RPS6KC1: variants seen among roughly 807,000 people sequenced by gnomAD.
RPS6KC1 encodes the protein inactive ribosomal protein S6 kinase delta-1.
In RPS6KC1, 54 loss-of-function variants were observed where a neutral mutation model predicts 103.8. That is an observed-to-expected ratio of 0.52 (90% CI 0.42 to 0.65). RPS6KC1 has a LOEUF of 0.65. RPS6KC1 is among the 30% of genes least tolerant of loss of function. RPS6KC1 has a pLI of 0.00. For synonymous variants in RPS6KC1, 439 were observed against 438.7 expected, an observed-to-expected ratio of 1.00 and a Z score of -0.01; for missense variants, 1,151 against 1,253.8, an observed-to-expected ratio of 0.92 and a Z score of 1.24.
intron 2 of RPS6KC1, among the ~76,000 whole-genome samples, chr1:213,074,985 G>A (rs1433728116): frequency 6.6e-6 from 1 of 150,468 alleles, no homozygotes; most frequent in Non-Finnish European, 1.5e-5. Flanking sequence ...CCCTAGTGCT[G>A]GGACTTCAGG....
chr1:213,683,568 C>A, the RPS6KC1 span, among the ~76,000 whole-genome samples: 1 of 152,144 alleles, frequency 6.6e-6, no homozygotes, highest in African/African-American at 2.4e-5. Flanking sequence ...AGGTATAAAC[C>A]CAGCAATTTA....
chr1:213,079,358 G>T (rs910176511), intron 3 of RPS6KC1, among the ~76,000 whole-genome samples: 1 of 152,060 alleles, frequency 6.6e-6, no homozygotes, highest in Non-Finnish European at 1.5e-5. Flanking sequence ...GATGCATATT[G>T]TCTCATTGTT....
At chr1:213,710,712 G>A in the RPS6KC1 span, among the ~76,000 whole-genome samples, 1 of 152,028 alleles carries the variant, frequency 6.6e-6, no homozygotes, top group East Asian at 1.9e-4. Context: ...CAGGCCTGGT[G>A]GTGACAAAAA....
At chr1:213,413,316 T>G in the RPS6KC1 span, among the ~76,000 whole-genome samples, 1 of 152,228 alleles carries the variant, frequency 6.6e-6, no homozygotes, top group Non-Finnish European at 1.5e-5. Flanking sequence ...AATAAGTTAT[T>G]GTTAATTGTA....
At chr1:213,116,788 A>G (rs2083690971) in intron 4 of RPS6KC1, among the ~76,000 whole-genome samples, 1 of 151,812 alleles carries the variant, frequency 6.6e-6, no homozygotes, top group East Asian at 2.0e-4. Context: ...TCTGTAAAGT[A>G]TTTTATTTCT....
chr1:213,834,833 T>C, the RPS6KC1 span, among the ~76,000 whole-genome samples: 1 of 152,146 alleles, frequency 6.6e-6, no homozygotes. Context: ...ATACAGCACC[T>C]AGTTCACTGA....
At chr1:213,557,026 A>C in the RPS6KC1 span, among the ~76,000 whole-genome samples, 1 of 152,176 alleles carries the variant, frequency 6.6e-6, no homozygotes, top group South Asian at 2.1e-4. Context: ...AGGCAGGTAG[A>C]CGCCTGTGGA....
chr1:213,693,560 G>A, the RPS6KC1 span, among the ~76,000 whole-genome samples: 1 of 152,144 alleles, frequency 6.6e-6, no homozygotes, highest in African/African-American at 2.4e-5. Context: ...ATCGGGAAAG[G>A]GAAACAACAC....
the RPS6KC1 span, among the ~76,000 whole-genome samples, chr1:213,520,377 G>A: frequency 6.6e-6 from 1 of 152,036 alleles, no homozygotes. Flanking sequence ...TCACTACCAC[G>A]AGAACAGTAT....
chr1:213,255,683 T>C (rs2094626425), intron 12 of RPS6KC1, among the ~76,000 whole-genome samples: 1 of 152,234 alleles, frequency 6.6e-6, no homozygotes, highest in South Asian at 2.1e-4. Context: ...GAATTACTGA[T>C]ATTTAAGGAT....
chr1:213,823,886 G>A, the RPS6KC1 span, among the ~76,000 whole-genome samples: 1 of 152,108 alleles, frequency 6.6e-6, no homozygotes, highest in African/African-American at 2.4e-5. Context: ...TATAAAGCAG[G>A]TGCAGATTTG....
At chr1:213,845,104 T>C in the RPS6KC1 span, among the ~76,000 whole-genome samples, 1 of 152,016 alleles carries the variant, frequency 6.6e-6, no homozygotes, top group Non-Finnish European at 1.5e-5. Flanking sequence ...TTAGCCTTCA[T>C]TCTTACAGTA....
the RPS6KC1 span, among the ~76,000 whole-genome samples, chr1:213,329,558 T>C: frequency 6.8e-6 from 1 of 147,796 alleles, no homozygotes; most frequent in African/African-American, 2.6e-5. Flanking sequence ...TCCAGAGGCA[T>C]CTGATTATTC....
intron 3 of RPS6KC1, among the ~76,000 whole-genome samples, chr1:213,100,677 CAT>C (rs953543729): frequency 1.3e-5 from 2 of 152,144 alleles, no homozygotes; most frequent in Non-Finnish European, 2.9e-5. Context: ...AAAGTGAGAA[CAT>C]GTGGTATTTG....
the RPS6KC1 span, among the ~76,000 whole-genome samples, chr1:213,289,474 G>A: frequency 6.6e-6 from 1 of 152,062 alleles, no homozygotes; most frequent in Non-Finnish European, 1.5e-5. Flanking sequence ...GATTTATGAA[G>A]CCCATAAATA....
intron 8 of RPS6KC1, among the ~76,000 whole-genome samples, chr1:213,215,314 G>T (rs2093630188): frequency 6.6e-6 from 1 of 152,152 alleles, no homozygotes; most frequent in South Asian, 2.1e-4. Context: ...GAAGTGAGAA[G>T]AGAAGTTTAG....
At chr1:213,316,893 T>C in the RPS6KC1 span, among the ~76,000 whole-genome samples, 8 of 152,112 alleles carry the variant, frequency 5.3e-5, no homozygotes, top group Admixed American at 5.2e-4. Context: ...TGCTTGGTGT[T>C]ATCTGAGAAG....
the RPS6KC1 span, among the ~76,000 whole-genome samples, chr1:213,478,265 A>T: frequency 6.6e-6 from 1 of 152,184 alleles, no homozygotes; most frequent in Non-Finnish European, 1.5e-5. Context: ...CACTGATTAT[A>T]GGACATCTTG....
chr1:213,782,117 T>C, the RPS6KC1 span, among the ~76,000 whole-genome samples: 4 of 152,154 alleles, frequency 2.6e-5, no homozygotes, highest in African/African-American at 9.7e-5. Context: ...CAAAGGTTTA[T>C]GTCTTGCTCA....
Sources: gnomAD v4.1 joint callset for allele counts (sites outside exome capture counted in the v4.1 genomes callset) on GRCh38, gnomAD v4.1.1 for gene constraint, MANE v1.5 for transcripts, NCBI Gene and HGNC (gene_info 2026-07-23, HGNC 2026-07-21) for gene names.